CLEC2A: variants seen among roughly 807,000 people sequenced by gnomAD.
CLEC2A encodes C-type lectin domain family 2 member A.
In CLEC2A, 19 loss-of-function variants were observed where a neutral mutation model predicts 18.6. That is an observed-to-expected ratio of 1.02 (90% CI 0.71 to 1.50). The LOEUF is 1.50. Among genes scored for constraint, CLEC2A ranks in the 40% most tolerant of loss-of-function variants. The pLI, the probability that CLEC2A is intolerant of heterozygous loss-of-function variation, is 0.00. For synonymous variants in CLEC2A, 74 were observed against 64.0 expected, an observed-to-expected ratio of 1.16 and a Z score of -0.75; for missense variants, 190 against 207.9, an observed-to-expected ratio of 0.91 and a Z score of 0.53.
At chr12:9,920,988 C>T (rs1863162852) in intron 3 of CLEC2A, among the ~76,000 whole-genome samples, 1 of 152,120 alleles carries the variant, frequency 6.6e-6, no homozygotes, top group Admixed American at 6.5e-5. Flanking sequence ...AAACAGTATG[C>T]ATTGTGGTAA....
chr12:9,910,357 G>A (rs924893833), downstream of CLEC2A, among the ~76,000 whole-genome samples: 2 of 152,144 alleles, frequency 1.3e-5, no homozygotes, highest in African/African-American at 2.4e-5. Context: ...TCTAACTGGA[G>A]CAGGCTTTTT....
chr12:9,882,835 C>T, the CLEC2A span, among the ~76,000 whole-genome samples: 1 of 152,084 alleles, frequency 6.6e-6, no homozygotes, highest in Non-Finnish European at 1.5e-5. Flanking sequence ...AAATGTATGG[C>T]TCTGGGCAGA....
intron 4 of CLEC2A, among the ~76,000 whole-genome samples, chr12:9,915,566 A>G (rs1021979785): frequency 6.6e-6 from 1 of 152,176 alleles, no homozygotes; most frequent in Non-Finnish European, 1.5e-5. Context: ...ACATGGATGA[A>G]TCTGGAAACT....
chr12:9,919,373 T>C (rs149891532), intron 3 of CLEC2A, among the ~76,000 whole-genome samples: 84 of 152,296 alleles, frequency 5.5e-4, no homozygotes, highest in Non-Finnish European at 9.6e-4. Flanking sequence ...GGAGGTTCCA[T>C]GTCTGGTGAT....
the CLEC2A span, among the ~76,000 whole-genome samples, chr12:9,883,690 A>G: frequency 6.6e-6 from 1 of 152,222 alleles, no homozygotes; most frequent in East Asian, 1.9e-4. Flanking sequence ...AAATATCTAC[A>G]GGGAAGAAAA....
chr12:9,879,759 A>C, the CLEC2A span, among the ~76,000 whole-genome samples: 2 of 152,242 alleles, frequency 1.3e-5, no homozygotes, highest in African/African-American at 4.8e-5. Context: ...ACATATGTTC[A>C]CCACCATTAA....
chr12:9,901,110 G>C (rs570480879), intron 4 of CLEC2A, among the ~76,000 whole-genome samples: 4 of 152,226 alleles, frequency 2.6e-5, no homozygotes, highest in African/African-American at 9.6e-5. Flanking sequence ...AATATTCCAA[G>C]CAAAGGTTAA....
downstream of CLEC2A, among the ~76,000 whole-genome samples, chr12:9,912,757 G>C (rs12817314): frequency 0.074 from 11,256 of 152,012 alleles, 474 homozygotes; most frequent in African/African-American, 0.098. Context: ...AGGAGGGACC[G>C]TGCTCGCTCT....
At chr12:9,908,539 G>A (rs919035695), downstream of CLEC2A, among the ~76,000 whole-genome samples, 2 of 152,118 alleles carry the variant, frequency 1.3e-5, no homozygotes, top group Admixed American at 1.3e-4. Flanking sequence ...TACTAAAAAC[G>A]TTATGAGTTC....
At chr12:9,893,470 G>C in the CLEC2A span, 2 of 1,519,048 alleles carry the variant, frequency 1.3e-6, no homozygotes, top group South Asian at 2.4e-5. Context: ...ATTTTGGTTG[G>C]ATTGGACTAT....
chr12:9,912,653 T>C (rs1048883844), downstream of CLEC2A, among the ~76,000 whole-genome samples: 9 of 125,596 alleles, frequency 7.2e-5, no homozygotes, highest in East Asian at 6.8e-4. Flanking sequence ...CTGGGTTTTA[T>C]TGGGTGAAAA....
chr12:9,915,699 G>C (rs1376901150), intron 4 of CLEC2A, among the ~76,000 whole-genome samples: 1 of 152,108 alleles, frequency 6.6e-6, no homozygotes, highest in African/African-American at 2.4e-5. Flanking sequence ...ACTGGGGGCA[G>C]TAGGGGGTGG....
chr12:9,881,810 A>G, the CLEC2A span: 3 of 673,118 alleles, frequency 4.5e-6, no homozygotes, highest in Non-Finnish European at 7.3e-6. Context: ...GATTATTTAG[A>G]TTCATGAAAG....
intron 3 of CLEC2A, among the ~76,000 whole-genome samples, 192 bp downstream of exon 3, chr12:9,921,874 G>A (rs1327877637): frequency 6.6e-6 from 1 of 152,154 alleles, no homozygotes; most frequent in Admixed American, 6.6e-5. Flanking sequence ...TGAGGAGGGG[G>A]AAGAAGAGGA....
chr12:9,898,763 T>C (rs1862786057), exon 5 of CLEC2A: 1 of 538,640 alleles, frequency 1.9e-6, no homozygotes, highest in East Asian at 2.8e-5. Context: ...TGAATTGCTC[T>C]GAATTGATAA....
At chr12:9,880,519 C>CGTGTGTGT in the CLEC2A span, among the ~76,000 whole-genome samples, 1 of 142,282 alleles carries the variant, frequency 7.0e-6, no homozygotes, top group Non-Finnish European at 1.5e-5. Flanking sequence ...GAACCATTAG[C>CGTGTGTGT]ATGTGTGTGT....
At chr12:9,903,127 CAATT>C (rs774436279) in intron 4 of CLEC2A, among the ~76,000 whole-genome samples, 1 of 151,400 alleles carries the variant, frequency 6.6e-6, no homozygotes, top group Non-Finnish European at 1.5e-5. Context: ...GGACATTACA[CAATT>C]AAACCCTTTG....
chr12:9,902,743 G>A (rs918309111), intron 4 of CLEC2A, among the ~76,000 whole-genome samples: 2 of 152,120 alleles, frequency 1.3e-5, no homozygotes, highest in Non-Finnish European at 2.9e-5. Flanking sequence ...TCTGTAGAAA[G>A]GTGTTGCCTG....
chr12:9,888,777 T>G, the CLEC2A span: 4 of 1,499,166 alleles, frequency 2.7e-6, no homozygotes, highest in Non-Finnish European at 3.6e-6. Context: ...CAGCAGTCTA[T>G]CAGGTAATAC....
Sources: allele counts gnomAD v4.1 joint callset (sites outside exome capture counted in the v4.1 genomes callset), GRCh38; gene constraint gnomAD v4.1.1; transcripts MANE v1.5; gene names NCBI Gene and HGNC (gene_info 2026-07-23, HGNC 2026-07-21).